Variants in HLF observed in about 807,000 individuals in gnomAD.
The protein encoded by HLF is HLF transcription factor, PAR bZIP family member, also known as hepatic leukemia factor.
In HLF, 3 loss-of-function variants were observed where a neutral mutation model predicts 22.6. The observed-to-expected ratio is 0.13, with a 90% confidence interval of 0.06 to 0.34. The LOEUF (loss-of-function observed/expected upper bound fraction) is 0.34, where lower values mean the gene tolerates loss of function less well. HLF is among the 10% of genes least tolerant of loss of function. HLF has a pLI of 1.00. For missense variants in HLF, 299 were observed against 389.2 expected, an observed-to-expected ratio of 0.77 and a Z score of 1.95; for synonymous variants, 151 against 151.8, an observed-to-expected ratio of 0.99 and a Z score of 0.04.
rs1354499689 is a variant in HLF at position 55,306,979 on chromosome 17, T to G, written c.452-8248T>G. On this transcript the variant is annotated intron_variant, in intron 2 of 3. Coordinates refer to ENST00000226067, the MANE Select transcript of HLF (RefSeq NM_002126.5). ...CTTTTGGATGGGAACCCTGTAGATC[T>G]CAGCTAGGTTGGTTTATCAGCTATA... Among the ~76,000 whole-genome samples, 5 of 152,038 alleles carry G rather than the reference T, an allele frequency of 3.3e-5. No homozygotes were observed. The South Asian group carries it at 1.0e-3, about 32-fold the overall frequency.
intron 1 of HLF, 28 bp downstream of exon 1, chr17:55,265,627 G>T: frequency 6.7e-7 from 1 of 1,501,340 alleles, no homozygotes. Context: ...CCCGCTCCGG[G>T]AAGGGACGAC....
At chr17:55,277,962 A>G (rs2080921343) in intron 2 of HLF, among the ~76,000 whole-genome samples, 1 of 151,424 alleles carries the variant, frequency 6.6e-6, no homozygotes, top group African/African-American at 2.5e-5. Flanking sequence ...GACTTTTACA[A>G]ACTAATGTTA....
intron 3 of HLF, among the ~76,000 whole-genome samples, chr17:55,318,028 G>C (rs1312095738): frequency 6.6e-6 from 1 of 152,174 alleles, no homozygotes; most frequent in Non-Finnish European, 1.5e-5. Context: ...AGCCAATACT[G>C]ATACTGTTCC....
At chr17:55,268,117 A>G (rs1165391289) in intron 2 of HLF, 31 bp downstream of exon 2, 2 of 1,434,786 alleles carry the variant, frequency 1.4e-6, no homozygotes, top group South Asian at 1.4e-5. Context: ...CCCTTCAGAA[A>G]GGGAGGAGGA....
chr17:55,314,691 T>C (rs1320682138), intron 2 of HLF, among the ~76,000 whole-genome samples: 1 of 152,252 alleles, frequency 6.6e-6, no homozygotes, highest in African/African-American at 2.4e-5. Flanking sequence ...CTTTTTTTGC[T>C]AATTACTCTT....
chr17:55,293,248 A>T (rs1261651167), intron 2 of HLF, among the ~76,000 whole-genome samples: 2 of 119,960 alleles, frequency 1.7e-5, no homozygotes, highest in African/African-American at 3.3e-5. Context: ...TAATATATAC[A>T]TTTTTTTAAT....
intron 2 of HLF, chr17:55,283,828 G>C (rs572657800): frequency 2.6e-5 from 4 of 152,164 alleles, no homozygotes; most frequent in African/African-American, 9.7e-5. Flanking sequence ...GGGAAACTGC[G>C]TCCTCGGTAG....
Position 55,297,738 on chromosome 17 carries a change from C to CTTTT in HLF, c.452-17467_452-17464dup, listed in dbSNP as rs34900287. Among the ~76,000 whole-genome samples, 229 of 62,880 alleles carry CTTTT rather than the reference C, an allele frequency of 3.6e-3. 2 individuals are homozygous for CTTTT. The highest frequency in any genetic ancestry group is 4.5e-3 in the Non-Finnish European group (164 of 36,552). The allele number at this position is 62,880 out of a possible 152,430, so 41.3% of individuals were successfully genotyped here. On this transcript the variant is annotated intron_variant, in intron 2 of 3. Coordinates refer to ENST00000226067, the MANE Select transcript of HLF (RefSeq NM_002126.5). ...CACGTGTCTTCATCTAACAGCATTT[C>CTTTT]TTTTTTTTTTTTTTTTTTTTTTTTT...
At chr17:55,319,922 G>C (rs1188630621) in intron 3 of HLF, among the ~76,000 whole-genome samples, 1 of 152,016 alleles carries the variant, frequency 6.6e-6, no homozygotes. Context: ...ATCAAACTGG[G>C]ATGAGACCAT....
At chr17:55,277,516 T>C (rs925225075) in intron 2 of HLF, among the ~76,000 whole-genome samples, 1 of 151,838 alleles carries the variant, frequency 6.6e-6, no homozygotes, top group Non-Finnish European at 1.5e-5. Flanking sequence ...GGCTCCCTTC[T>C]TCCCTGAAAA....
chr17:55,288,532 G>A (rs1277165521), intron 2 of HLF, among the ~76,000 whole-genome samples: 1 of 152,082 alleles, frequency 6.6e-6, no homozygotes, highest in African/African-American at 2.4e-5. Context: ...GGAGGCCAAG[G>A]CAGGTGGATC....
chr17:55,280,193 G>A (rs2080940909), intron 2 of HLF, among the ~76,000 whole-genome samples: 1 of 152,180 alleles, frequency 6.6e-6, no homozygotes, highest in African/African-American at 2.4e-5. Flanking sequence ...CACTTAAGTA[G>A]GAACACATCT....
intron 1 of HLF, 53 bp downstream of exon 1, chr17:55,265,652 C>T (rs2080780680): frequency 1.0e-5 from 14 of 1,342,178 alleles, no homozygotes; most frequent in Admixed American, 2.0e-5. Flanking sequence ...CGGGGGTCCC[C>T]CTCCGCGGCC....
intron 2 of HLF, among the ~76,000 whole-genome samples, chr17:55,290,512 C>T (rs1244951254): frequency 6.6e-6 from 1 of 152,064 alleles, no homozygotes; most frequent in Non-Finnish European, 1.5e-5. Flanking sequence ...TTGGGGGCAC[C>T]ATGAGCCACA....
chr17:55,277,230 ATGTTATGTGTATG>A (rs1002933140), intron 2 of HLF, among the ~76,000 whole-genome samples: 8 of 96,570 alleles, frequency 8.3e-5, no homozygotes, highest in Admixed American at 5.8e-4. Context: ...ATTGAACCAG[ATGTTATGTGTATG>A]TGTGTGTGTG....
At chr17:55,315,524 G>A (rs1905030664) in intron 3 of HLF, 77 bp downstream of exon 3, 1 of 1,056,430 alleles carries the variant, frequency 9.5e-7, no homozygotes, top group Non-Finnish European at 1.5e-6. Flanking sequence ...GTGACCCCAG[G>A]ATGATCCCAG....
intron 2 of HLF, among the ~76,000 whole-genome samples, chr17:55,290,680 C>G (rs954232328): frequency 6.6e-6 from 1 of 152,158 alleles, no homozygotes; most frequent in Non-Finnish European, 1.5e-5. Context: ...ATAATGGCCT[C>G]TAAGCACTCA....
chr17:55,274,573 T>G (rs1038985019), intron 2 of HLF, among the ~76,000 whole-genome samples: 8 of 152,212 alleles, frequency 5.3e-5, no homozygotes, highest in African/African-American at 1.9e-4. Flanking sequence ...ACGGGCAATA[T>G]AGCAGTAATG....
chr17:55,277,275 G>GTGTGTGCA (rs1567813142), intron 2 of HLF, among the ~76,000 whole-genome samples: 1 of 105,866 alleles, frequency 9.4e-6, no homozygotes, highest in African/African-American at 3.1e-5. Context: ...GTGTGTGTGT[G>GTGTGTGCA]CGCGCGCATG....
Sources: gnomAD v4.1 joint callset for allele counts (sites outside exome capture counted in the v4.1 genomes callset) on GRCh38, gnomAD v4.1.1 for gene constraint, MANE v1.5 for transcripts, NCBI Gene and HGNC (gene_info 2026-07-23, HGNC 2026-07-21) for gene names.